Variants in XKR9 observed in about 807,000 individuals in gnomAD.
XKR9 encodes XK related 9, also known as XK-related protein 9.
Under a neutral mutation model 32.0 loss-of-function variants are expected in XKR9, and 32 were observed. The ratio of observed to expected loss-of-function variants is 1.00; its 90% CI spans 0.76 to 1.34. The LOEUF is 1.34. Ranked by LOEUF, XKR9 falls within the 40% of genes most tolerant of loss-of-function variation. The pLI, the probability that XKR9 is intolerant of heterozygous loss-of-function variation, is 0.00. For synonymous variants in XKR9, 168 were observed against 143.4 expected (o/e 1.17, Z -1.22); for missense variants, 546 against 429.7 (o/e 1.27, Z -2.39).
the XKR9 span, among the ~76,000 whole-genome samples, chr8:70,918,768 CTTTTTTTTTTT>C: frequency 3.1e-5 from 2 of 64,138 alleles, no homozygotes; most frequent in Non-Finnish European, 5.9e-5. Context: ...TCATGGGATC[CTTTTTTTTTTT>C]TTTTTTTTTT....
At chr8:70,943,553 A>T in the XKR9 span, among the ~76,000 whole-genome samples, 2 of 152,182 alleles carry the variant, frequency 1.3e-5, no homozygotes, top group African/African-American at 4.8e-5. Context: ...CAGTTTTAAA[A>T]ATTATTGCCA....
chr8:70,736,551 G>A (rs1057019584), downstream of XKR9, among the ~76,000 whole-genome samples: 1 of 152,202 alleles, frequency 6.6e-6, no homozygotes, highest in East Asian at 1.9e-4. Context: ...CCATGCCTAT[G>A]TCCTGAATGG....
the XKR9 span, among the ~76,000 whole-genome samples, chr8:70,827,605 A>C: frequency 6.6e-6 from 1 of 152,206 alleles, no homozygotes; most frequent in African/African-American, 2.4e-5. Context: ...TTTGTATGTC[A>C]CTTTAACAGT....
chr8:70,924,224 C>A, the XKR9 span, among the ~76,000 whole-genome samples: 1 of 152,144 alleles, frequency 6.6e-6, no homozygotes, highest in Non-Finnish European at 1.5e-5. Flanking sequence ...GTCTTGCCTT[C>A]TGATTATCTT....
chr8:70,743,693 C>T (rs1586879248), intron 2 of XKR9, among the ~76,000 whole-genome samples: 1 of 152,248 alleles, frequency 6.6e-6, no homozygotes, highest in East Asian at 1.9e-4. Context: ...GACTTCCTTT[C>T]TGTTGGTTCT....
the XKR9 span, among the ~76,000 whole-genome samples, chr8:71,044,485 A>T: frequency 8.5e-5 from 13 of 152,222 alleles, no homozygotes; most frequent in African/African-American, 3.1e-4. Context: ...TGAAGCAATG[A>T]TTAATGAAGT....
chr8:70,951,013 G>A, the XKR9 span, among the ~76,000 whole-genome samples: 9 of 152,146 alleles, frequency 5.9e-5, no homozygotes, highest in Admixed American at 4.6e-4. Flanking sequence ...CTTTCTCTCC[G>A]TAGACGTCGG....
chr8:71,044,157 TTCTC>T, the XKR9 span, among the ~76,000 whole-genome samples: 3 of 152,234 alleles, frequency 2.0e-5, no homozygotes, highest in African/African-American at 7.2e-5. Flanking sequence ...TTTGAAATCT[TTCTC>T]TCACACATGC....
the XKR9 span, among the ~76,000 whole-genome samples, chr8:70,872,434 A>G: frequency 1.3e-5 from 2 of 152,220 alleles, no homozygotes; most frequent in Non-Finnish European, 2.9e-5. Flanking sequence ...AAAGTGCAAG[A>G]TGAAGCAGCA....
chr8:70,880,645 T>C, the XKR9 span, among the ~76,000 whole-genome samples: 1 of 152,138 alleles, frequency 6.6e-6, no homozygotes, highest in Non-Finnish European at 1.5e-5. Flanking sequence ...TGGAAGAATA[T>C]TCCATGCTCA....
At chr8:70,997,708 A>G in the XKR9 span, among the ~76,000 whole-genome samples, 1 of 152,132 alleles carries the variant, frequency 6.6e-6, no homozygotes, top group African/African-American at 2.4e-5. Context: ...AGAAATCACC[A>G]CTAAAAAACT....
chr8:70,920,202 A>G, the XKR9 span, among the ~76,000 whole-genome samples: 3 of 152,186 alleles, frequency 2.0e-5, no homozygotes, highest in East Asian at 3.8e-4. Context: ...TGTCTGTCCT[A>G]TATACTTTTA....
intron 4 of XKR9, among the ~76,000 whole-genome samples, chr8:70,733,319 CCCT>C (rs1430355735): frequency 6.6e-6 from 1 of 151,618 alleles, no homozygotes; most frequent in Non-Finnish European, 1.5e-5. Context: ...CTCTCTCTAC[CCCT>C]CCTCCTCTCC....
the XKR9 span, among the ~76,000 whole-genome samples, chr8:70,922,172 T>C: frequency 6.6e-6 from 1 of 152,222 alleles, no homozygotes; most frequent in East Asian, 1.9e-4. Context: ...TCCTGCATGC[T>C]ATGGACTCAG....
the XKR9 span, among the ~76,000 whole-genome samples, chr8:70,804,532 A>G: frequency 6.6e-6 from 1 of 152,350 alleles, no homozygotes; most frequent in Admixed American, 6.5e-5. Flanking sequence ...ATATACTGTT[A>G]CATCACTGTT....
intron 4 of XKR9, among the ~76,000 whole-genome samples, chr8:70,721,175 T>C (rs1806268255): frequency 6.6e-6 from 1 of 152,192 alleles, no homozygotes; most frequent in East Asian, 1.9e-4. Flanking sequence ...ATTGTGTCTA[T>C]TTGATTCTTC....
At chr8:71,015,327 A>G in the XKR9 span, among the ~76,000 whole-genome samples, 3 of 152,288 alleles carry the variant, frequency 2.0e-5, no homozygotes, top group South Asian at 6.2e-4. Flanking sequence ...GGAGGAACTT[A>G]TATCAGTTTC....
the XKR9 span, among the ~76,000 whole-genome samples, chr8:70,829,009 A>C: frequency 6.6e-6 from 1 of 152,204 alleles, no homozygotes; most frequent in African/African-American, 2.4e-5. Flanking sequence ...AAAAATGGAA[A>C]TTCTCCCCTT....
At chr8:70,915,630 C>T in the XKR9 span, among the ~76,000 whole-genome samples, 7 of 152,126 alleles carry the variant, frequency 4.6e-5, no homozygotes, top group Non-Finnish European at 1.0e-4. Context: ...CTATCTAGAA[C>T]TGATTTTGTC....
Sources: gnomAD v4.1 joint callset for allele counts (sites outside exome capture counted in the v4.1 genomes callset) on GRCh38, gnomAD v4.1.1 for gene constraint, MANE v1.5 for transcripts, NCBI Gene and HGNC (gene_info 2026-07-23, HGNC 2026-07-21) for gene names.